The following WDFY3 variants were observed in gnomAD, a reference collection of about 807,000 sequenced individuals.
WDFY3 encodes WD repeat and FYVE domain containing 3, also known as WD repeat and FYVE domain-containing protein 3.
A neutral mutation model predicts 409.6 loss-of-function variants in WDFY3; 66 were observed. The ratio of observed to expected loss-of-function variants is 0.16; its 90% confidence interval spans 0.13 to 0.20. WDFY3 has a LOEUF of 0.20. Among genes scored for constraint, WDFY3 ranks in the 10% least tolerant of loss-of-function variants. WDFY3 has a pLI of 1.00. For synonymous variants in WDFY3, 1,521 were observed against 1,537.1 expected, an observed-to-expected ratio of 0.99 and a Z score of 0.25; for missense variants, 3,031 against 4,298.1, an observed-to-expected ratio of 0.71 and a Z score of 8.24.
intron 36 of WDFY3, among the ~76,000 whole-genome samples, chr4:84,746,060 T>C (rs768023901): frequency 1.3e-5 from 2 of 150,118 alleles, no homozygotes; most frequent in Non-Finnish European, 2.9e-5. Flanking sequence ...ATAATCCCAG[T>C]ATTTTGGGAG....
chr4:84,682,581 T>C, intron 63 of WDFY3, 111 bp from the exon 64 acceptor site: 1 of 868,816 alleles, frequency 1.2e-6, no homozygotes. Context: ...TTAATTTCCA[T>C]CATGTTATAC....
At chr4:84,779,926 C>T (rs1746213942) in intron 26 of WDFY3, among the ~76,000 whole-genome samples, 182 bp downstream of exon 26, 1 of 152,124 alleles carries the variant, frequency 6.6e-6, no homozygotes, top group South Asian at 2.1e-4. Context: ...AAGGATAAAG[C>T]AAAATAAAGA....
At chr4:84,812,546 C>T (rs1015187083) in intron 13 of WDFY3, among the ~76,000 whole-genome samples, 2 of 152,082 alleles carry the variant, frequency 1.3e-5, no homozygotes, top group African/African-American at 4.8e-5. Context: ...CATGTAAGAA[C>T]CCTTAGAGAA....
intron 3 of WDFY3, among the ~76,000 whole-genome samples, chr4:84,863,645 CCT>C (rs1760973184): frequency 2.0e-5 from 3 of 152,036 alleles, no homozygotes; most frequent in Admixed American, 6.6e-5. Flanking sequence ...TGAGGCTCTC[CCT>C]GTTTTTACCT....
At chr4:84,796,294 G>C (rs1198338043) in intron 19 of WDFY3, among the ~76,000 whole-genome samples, 1 of 150,936 alleles carries the variant, frequency 6.6e-6, no homozygotes, top group East Asian at 1.9e-4. Flanking sequence ...TGGTCCATGG[G>C]CCTAAGATTT....
chr4:84,795,625 G>C (rs570194336), intron 19 of WDFY3, among the ~76,000 whole-genome samples: 1 of 152,120 alleles, frequency 6.6e-6, no homozygotes, highest in Non-Finnish European at 1.5e-5. Flanking sequence ...AGCCAGGCGC[G>C]GTGGCGTGCG....
intron 3 of WDFY3, among the ~76,000 whole-genome samples, chr4:84,885,384 G>C (rs1371533075): frequency 1.3e-5 from 2 of 150,168 alleles, no homozygotes; most frequent in Non-Finnish European, 3.0e-5. Context: ...AATCACGTAA[G>C]AACTCTAACA....
intron 12 of WDFY3, among the ~76,000 whole-genome samples, chr4:84,818,702 T>C (rs1024123295): frequency 1.3e-5 from 2 of 152,116 alleles, no homozygotes; most frequent in East Asian, 3.9e-4. Context: ...TAGATAATCA[T>C]AATGGCTAAT....
intron 3 of WDFY3, among the ~76,000 whole-genome samples, chr4:84,865,360 G>A (rs1390572850): frequency 4.6e-5 from 7 of 152,108 alleles, no homozygotes; most frequent in Non-Finnish European, 1.0e-4. Context: ...CTCTAGTTAG[G>A]CTCTTCTGAA....
intron 9 of WDFY3, among the ~76,000 whole-genome samples, chr4:84,828,335 G>C (rs1473656383): frequency 6.6e-6 from 1 of 152,018 alleles, no homozygotes; most frequent in African/African-American, 2.4e-5. Context: ...CATATACACA[G>C]TTGTAAGGTT....
intron 3 of WDFY3, among the ~76,000 whole-genome samples, chr4:84,880,694 T>C (rs1323110465): frequency 5.6e-5 from 3 of 53,296 alleles, no homozygotes; most frequent in East Asian, 1.2e-3. Context: ...TATATATATA[T>C]ATATATATAT....
intron 1 of WDFY3, among the ~76,000 whole-genome samples, chr4:84,937,862 A>C (rs1204168844): frequency 1.3e-5 from 2 of 152,086 alleles, no homozygotes; most frequent in East Asian, 1.9e-4. Flanking sequence ...CTTTTCCAAG[A>C]GATGATTACA....
chr4:84,790,145 T>C (rs929456545), intron 21 of WDFY3, among the ~76,000 whole-genome samples: 1 of 150,856 alleles, frequency 6.6e-6, no homozygotes, highest in African/African-American at 2.4e-5. Context: ...ACGTCAGGAG[T>C]TCGAGACCAG....
rs572949314 is a variant in WDFY3, at chr4:84,799,085, G to C, written c.2823-977C>G. ...ACCACCATATTTGTTTTTCTTGTTG[G>C]GGAAAAAAATCTTGCCCTTACTTTT... On this transcript the variant is annotated intron_variant, in intron 17 of 67. Transcript: ENST00000295888. Among the ~76,000 whole-genome samples, 163 of 151,944 alleles carry C rather than the reference G, an allele frequency of 1.1e-3. 6 individuals are homozygous for C. In the South Asian group the frequency reaches 0.032, roughly 30 times the overall value.
chr4:84,832,447 T>A (rs1755877319), intron 7 of WDFY3, among the ~76,000 whole-genome samples: 1 of 152,236 alleles, frequency 6.6e-6, no homozygotes, highest in African/African-American at 2.4e-5. Flanking sequence ...AAAAAAACAA[T>A]GTATTGTATA....
chr4:84,700,725 C>T (rs1204216566), intron 56 of WDFY3, among the ~76,000 whole-genome samples: 2 of 152,160 alleles, frequency 1.3e-5, no homozygotes, highest in Non-Finnish European at 2.9e-5. Flanking sequence ...CTTTCTGCAC[C>T]TCTCCATATT....
At chr4:84,892,780 G>A (rs1007455359) in intron 3 of WDFY3, among the ~76,000 whole-genome samples, 1 of 152,216 alleles carries the variant, frequency 6.6e-6, no homozygotes, top group Admixed American at 6.5e-5. Flanking sequence ...TCATGAGACA[G>A]AGAATAAAAT....
intron 13 of WDFY3, 53 bp downstream of exon 13, chr4:84,817,339 A>C (rs1441365110): frequency 1.1e-5 from 17 of 1,600,888 alleles, no homozygotes; most frequent in Non-Finnish European, 1.4e-5. Flanking sequence ...ATCATCTAAA[A>C]ATAACCACAG....
intron 64 of WDFY3, among the ~76,000 whole-genome samples, chr4:84,681,883 C>A (rs1167124724): frequency 1.3e-5 from 2 of 152,202 alleles, no homozygotes; most frequent in African/African-American, 4.8e-5. Flanking sequence ...CTATAGGTAA[C>A]CAGGCTTCAG....
Sources: gnomAD v4.1 joint callset for allele counts (sites outside exome capture counted in the v4.1 genomes callset) on GRCh38, gnomAD v4.1.1 for gene constraint, MANE v1.5 for transcripts, NCBI Gene and HGNC (gene_info 2026-07-23, HGNC 2026-07-21) for gene names.